ZNF652: variants seen among roughly 807,000 people sequenced by gnomAD.
The protein encoded by ZNF652 is zinc finger protein 652.
A neutral mutation model predicts 45.2 loss-of-function variants in ZNF652; 16 were observed. That is an observed-to-expected ratio of 0.35 (90% CI 0.24 to 0.54). ZNF652 has a LOEUF of 0.54. ZNF652 is among the 20% of genes least tolerant of loss of function. ZNF652 has a pLI of 0.91. For synonymous variants in ZNF652, 250 were observed against 260.6 expected, an observed-to-expected ratio of 0.96 and a Z score of 0.39; for missense variants, 614 against 765.6, an observed-to-expected ratio of 0.80 and a Z score of 2.34.
At position 49,317,737 on chromosome 17, in the gene ZNF652, C is replaced by T; in HGVS notation, c.-12G>A. On this transcript the variant is annotated 5_prime_UTR_variant, in exon 2 of 6. The change creates a premature stop within an existing upstream ORF in the 5' untranslated region. Transcript: ENST00000430262. ...GCTGTGTGGCTCATTGGTAAGTGGCCCAATTTATTAAACAGTTCAGACTAT... is the reference window on the plus strand; with the variant it reads ...GCTGTGTGGCTCATTGGTAAGTGGCTCAATTTATTAAACAGTTCAGACTAT... 1 of 1,561,790 alleles carries T rather than the reference C, an allele frequency of 6.4e-7. No homozygotes were observed. Among genetic ancestry groups the T allele is most frequent in the Admixed American group, 1.9e-5 (1 of 53,282 alleles).
Position 49,298,319 on chromosome 17 carries a change from G to C in ZNF652, c.*94C>G. 1 of 1,488,038 alleles carries C rather than the reference G, an allele frequency of 6.7e-7. No individual in the cohort carries two copies. 92.2% of individuals were successfully genotyped at this position (1,488,038 alleles called of 1,614,324 possible). A position where few individuals can be genotyped will look rare whatever the true frequency, so the allele number is the denominator to read the frequency against. On this transcript the variant is annotated 3_prime_UTR_variant, in exon 6 of 6. Transcript: ENST00000430262. ...CGAAGCTCTTGGTAGAGGCGGAGGAGAGTCTGAGAACTAAGGAAATGCTCA... is the reference window on the plus strand; with the variant it reads ...CGAAGCTCTTGGTAGAGGCGGAGGACAGTCTGAGAACTAAGGAAATGCTCA...
chr17:49,356,090 A>G (rs1032283925), intron 1 of ZNF652, among the ~76,000 whole-genome samples: 6 of 151,968 alleles, frequency 3.9e-5, no homozygotes, highest in African/African-American at 1.5e-4. Context: ...AAAGGGTTTG[A>G]AATTATTTTC....
At chr17:49,326,200 C>T (rs990592195) in intron 1 of ZNF652, among the ~76,000 whole-genome samples, 5 of 147,808 alleles carry the variant, frequency 3.4e-5, no homozygotes, top group African/African-American at 1.3e-4. Flanking sequence ...ATTGCTTGAG[C>T]CCAGGAGACC....
chr17:49,300,060 C>T (rs2069531250), intron 5 of ZNF652, among the ~76,000 whole-genome samples: 1 of 152,152 alleles, frequency 6.6e-6, no homozygotes, highest in Non-Finnish European at 1.5e-5. Context: ...AAGTCTCTTC[C>T]TGTCTATTCA....
chr17:49,316,054 G>A (rs974840048), intron 2 of ZNF652, among the ~76,000 whole-genome samples: 14 of 152,254 alleles, frequency 9.2e-5, no homozygotes, highest in Middle Eastern at 3.4e-3. Flanking sequence ...TACCTCTTAC[G>A]AATATTCATT....
rs541980606 is a variant in ZNF652 at position 49,316,919 on chromosome 17, C to T, written c.807G>A (p.Arg269=). Reference sequence around the variant, plus strand: ...CACATTTATCACAAATCTGCATGCGCCTATGAGTAACGTTCATGTGCTTCT... The same window carrying T: ...CACATTTATCACAAATCTGCATGCGTCTATGAGTAACGTTCATGTGCTTCT... ...YLEKHMNVTH[R]RMQICDKCGK... The change falls in exon 2 of 6, where the codon AGG becomes AGA. Residue 269 remains arginine (R), a synonymous_variant. Coordinates refer to ENST00000430262, the MANE Select transcript of ZNF652 (RefSeq NM_001145365.3). The T allele has an allele frequency of 2.3e-5, 37 of 1,614,136 alleles. No individual in the cohort carries two copies. In the South Asian group the frequency reaches 3.8e-4, roughly 17 times the overall value.
At position 49,298,240 on chromosome 17, in the gene ZNF652, C is replaced by G; in HGVS notation, c.*173G>C. On this transcript the variant is annotated 3_prime_UTR_variant, in exon 6 of 6. Coordinates refer to ENST00000430262, the MANE Select transcript of ZNF652 (RefSeq NM_001145365.3). ...GTTTAGATGACAGTCCCTCTGTGAGCTCAAGGTAGTCTTCTTGTTCATTCC... is the reference window on the plus strand; with the variant it reads ...GTTTAGATGACAGTCCCTCTGTGAGGTCAAGGTAGTCTTCTTGTTCATTCC... 1.2e-6 allele frequency: 1 copy of G among 806,422 alleles called. No individual in the cohort carries two copies. Among genetic ancestry groups the G allele is most frequent in the East Asian group, 2.7e-5 (1 of 36,516 alleles). 50.0% of individuals were successfully genotyped at this position (806,422 alleles called of 1,614,324 possible).
intron 1 of ZNF652, among the ~76,000 whole-genome samples, chr17:49,345,203 C>CT (rs796601844): frequency 0.019 from 2,501 of 130,908 alleles, 32 homozygotes; most frequent in South Asian, 0.032. Flanking sequence ...CTAGATTTTT[C>CT]TTTTTTTTTT....
chr17:49,313,259 G>A (rs2069743572), intron 2 of ZNF652, among the ~76,000 whole-genome samples: 2 of 152,078 alleles, frequency 1.3e-5, no homozygotes, highest in African/African-American at 4.8e-5. Flanking sequence ...GGGTTCAAGC[G>A]ATTCTCCTGC....
At chr17:49,348,218 C>T (rs1284864507) in intron 1 of ZNF652, among the ~76,000 whole-genome samples, 1 of 152,024 alleles carries the variant, frequency 6.6e-6, no homozygotes, top group East Asian at 1.9e-4. Flanking sequence ...GGAGGCTGCG[C>T]ATGGTGGCGT....
intron 1 of ZNF652, among the ~76,000 whole-genome samples, chr17:49,358,619 A>G (rs2070362191): frequency 6.6e-6 from 1 of 152,210 alleles, no homozygotes; most frequent in Admixed American, 6.5e-5. Context: ...CCTCTTCGTT[A>G]GGCTTCAGAC....
At chr17:49,313,125 A>C (rs1280833003) in intron 2 of ZNF652, among the ~76,000 whole-genome samples, 1 of 152,224 alleles carries the variant, frequency 6.6e-6, no homozygotes, top group African/African-American at 2.4e-5. Flanking sequence ...GCTATTATGA[A>C]GTTAGTATTG....
intron 1 of ZNF652, among the ~76,000 whole-genome samples, chr17:49,359,011 G>A (rs1204104085): frequency 2.0e-5 from 3 of 152,132 alleles, no homozygotes; most frequent in African/African-American, 7.2e-5. Context: ...TCTCACAACC[G>A]TATATGTTAT....
At chr17:49,307,435 G>GAAAAAAAA (rs1175854049) in intron 5 of ZNF652, among the ~76,000 whole-genome samples, 2 of 40,472 alleles carry the variant, frequency 4.9e-5, no homozygotes, top group Non-Finnish European at 8.8e-5. Context: ...TGTCTCAAAA[G>GAAAAAAAA]AAAAAAAAAA....
intron 1 of ZNF652, among the ~76,000 whole-genome samples, chr17:49,352,932 C>G (rs1454559081): frequency 3.3e-5 from 5 of 152,120 alleles, no homozygotes; most frequent in African/African-American, 1.2e-4. Flanking sequence ...GACGAAACTA[C>G]AGTGACAACA....
chr17:49,308,779 G>T (rs1480791738), intron 5 of ZNF652, among the ~76,000 whole-genome samples: 1 of 151,026 alleles, frequency 6.6e-6, no homozygotes, highest in East Asian at 2.0e-4. Flanking sequence ...TCCAGCCTGG[G>T]TGACAGAGCA....
At position 49,327,755 on chromosome 17, in the gene ZNF652, ATATATATATATATATATATATATATTTTT is replaced by A. The variant is rs1314192728; in HGVS notation, c.-258-9801_-258-9773del. Among the ~76,000 whole-genome samples the A allele has an allele frequency of 4.2e-3, 48 of 11,326 alleles. 2 individuals are homozygous for A. The highest frequency in any genetic ancestry group is 0.011 in the African/African-American group (47 of 4,242). The allele number at this position is 11,326 out of a possible 152,430, so 7.4% of individuals were successfully genotyped here. A position where few individuals can be genotyped will look rare whatever the true frequency, so the allele number is the denominator to read the frequency against. On this transcript the variant is annotated intron_variant, in intron 1 of 5. Transcript: ENST00000430262. The stretch of plus-strand genomic sequence containing the variant: ...AATATATATATATATATATATATAT[ATATATATATATATATATATATATATTTTT>A]TTTTTTTTTTTTTAGTAGAGATAGG...
At chr17:49,338,370 T>C (rs543091865) in intron 1 of ZNF652, among the ~76,000 whole-genome samples, 1 of 152,144 alleles carries the variant, frequency 6.6e-6, no homozygotes, top group African/African-American at 2.4e-5. Context: ...TGCATGGAAC[T>C]GTGGTAACCA....
intron 5 of ZNF652, among the ~76,000 whole-genome samples, chr17:49,301,829 C>G (rs929912665): frequency 6.6e-6 from 1 of 152,072 alleles, no homozygotes; most frequent in African/African-American, 2.4e-5. Context: ...GAGTTCGAGA[C>G]CAGCCTGGGC....
Sources: allele counts gnomAD v4.1 joint callset (sites outside exome capture counted in the v4.1 genomes callset), GRCh38; gene constraint gnomAD v4.1.1; transcripts MANE v1.5; gene names NCBI Gene and HGNC (gene_info 2026-07-23, HGNC 2026-07-21).